Variants in TMEM232 observed in about 807,000 individuals in gnomAD.
The protein encoded by TMEM232 is transmembrane protein 232.
A neutral mutation model predicts 78.8 loss-of-function variants in TMEM232; 80 were observed. That is an observed-to-expected ratio of 1.01 (90% CI 0.85 to 1.22). TMEM232 has a LOEUF of 1.22. Among genes scored for constraint, TMEM232 ranks in the 50% most tolerant of loss-of-function variants. The pLI is 0.00. For synonymous variants in TMEM232, 297 were observed against 254.3 expected (o/e 1.17, Z -1.60); for missense variants, 881 against 742.2 (o/e 1.19, Z -2.17).
chr5:110,498,676 T>C (rs1765885498), intron 12 of TMEM232, among the ~76,000 whole-genome samples: 1 of 152,170 alleles, frequency 6.6e-6, no homozygotes, highest in Admixed American at 6.5e-5. Flanking sequence ...TCTTCCCATA[T>C]GCAGAATGGC....
chr5:110,479,265 T>C (rs1327303092), intron 12 of TMEM232, among the ~76,000 whole-genome samples: 1 of 151,838 alleles, frequency 6.6e-6, no homozygotes, highest in African/African-American at 2.4e-5. Flanking sequence ...TTTGTTTTAA[T>C]CATTTGACTT....
At chr5:110,521,611 T>C (rs1370607260) in intron 12 of TMEM232, among the ~76,000 whole-genome samples, 2 of 152,206 alleles carry the variant, frequency 1.3e-5, no homozygotes, top group Non-Finnish European at 2.9e-5. Flanking sequence ...AAGTCTTTAA[T>C]CCATTTGGAT....
chr5:110,712,018 C>T (rs368238190), intron 1 of TMEM232, among the ~76,000 whole-genome samples: 2 of 146,720 alleles, frequency 1.4e-5, no homozygotes, highest in African/African-American at 2.5e-5. Flanking sequence ...AGGAGAATGG[C>T]GTGAACCCGG....
chr5:110,549,464 A>G (rs371694613), intron 11 of TMEM232, among the ~76,000 whole-genome samples: 1 of 151,950 alleles, frequency 6.6e-6, no homozygotes, highest in East Asian at 1.9e-4. Flanking sequence ...AAAGTTAACA[A>G]ATAAGCTGGG....
intron 11 of TMEM232, among the ~76,000 whole-genome samples, chr5:110,542,099 A>G (rs1773204104): frequency 6.6e-6 from 1 of 152,110 alleles, no homozygotes; most frequent in African/African-American, 2.4e-5. Flanking sequence ...TGGAACCTGA[A>G]GCTCCCATCA....
chr5:110,427,296 G>A (rs1253836617), intron 12 of TMEM232, among the ~76,000 whole-genome samples: 1 of 151,764 alleles, frequency 6.6e-6, no homozygotes, highest in African/African-American at 2.4e-5. Context: ...GTTTTCACAA[G>A]GAATAAGAAG....
intron 5 of TMEM232, among the ~76,000 whole-genome samples, chr5:110,637,848 T>G (rs971711877): frequency 1.3e-5 from 2 of 152,084 alleles, no homozygotes; most frequent in Admixed American, 6.6e-5. Context: ...TATTTAAGGT[T>G]ATTTGTCAGC....
chr5:110,738,335 G>T, upstream of TMEM232: 2 of 1,040,572 alleles, frequency 1.9e-6, no homozygotes, highest in South Asian at 1.5e-5. Flanking sequence ...TCAATACCCT[G>T]AGTGATTTAG....
chr5:110,722,484 G>A (rs1375578032), intron 1 of TMEM232, among the ~76,000 whole-genome samples: 2 of 152,214 alleles, frequency 1.3e-5, no homozygotes, highest in Admixed American at 6.5e-5. Context: ...TCACTACACG[G>A]CTGTCAAGTA....
chr5:110,478,880 A>G (rs1435256879), intron 12 of TMEM232, among the ~76,000 whole-genome samples: 4 of 145,792 alleles, frequency 2.7e-5, no homozygotes, highest in African/African-American at 2.5e-5. Flanking sequence ...TTTGATTATG[A>G]GCAGATGGAG....
At chr5:110,562,898 T>G (rs1775911998) in intron 11 of TMEM232, among the ~76,000 whole-genome samples, 1 of 152,020 alleles carries the variant, frequency 6.6e-6, no homozygotes, top group Admixed American at 6.6e-5. Context: ...TTTATGTCCG[T>G]AAATCATATA....
chr5:110,528,863 G>A, intron 11 of TMEM232, 28 bp from the exon 12 acceptor site: 1 of 1,364,886 alleles, frequency 7.3e-7, no homozygotes, highest in South Asian at 2.0e-5. Context: ...AAAGGAATCA[G>A]TTGAAACAGG....
At chr5:110,440,191 A>G (rs1447118052) in intron 12 of TMEM232, among the ~76,000 whole-genome samples, 1 of 152,206 alleles carries the variant, frequency 6.6e-6, no homozygotes, top group East Asian at 1.9e-4. Flanking sequence ...GATGTATCAA[A>G]GTGTCCTTTA....
chr5:110,429,592 G>C (rs1757605665), intron 12 of TMEM232, among the ~76,000 whole-genome samples: 1 of 151,624 alleles, frequency 6.6e-6, no homozygotes. Context: ...CAGTTGAGCA[G>C]ATAAAATATT....
intron 1 of TMEM232, among the ~76,000 whole-genome samples, chr5:110,724,883 A>G (rs1798000868): frequency 1.3e-5 from 2 of 152,204 alleles, no homozygotes; most frequent in African/African-American, 4.8e-5. Context: ...TTGCCATGTT[A>G]TAGTAAGAAG....
Position 110,712,019 on chromosome 5 carries a change from G to T in TMEM232, c.-13+14608C>A, listed in dbSNP as rs546661645. On this transcript the variant is annotated intron_variant, in intron 1 of 13. Coordinates refer to ENST00000455884, the MANE Select transcript of TMEM232 (RefSeq NM_001039763.4). ...CGGGAGGCTGAGGGAGGAGAATGGCGTGAACCCGGGAGGCAGAGCTTGCAG... is the reference window on the plus strand; with the variant it reads ...CGGGAGGCTGAGGGAGGAGAATGGCTTGAACCCGGGAGGCAGAGCTTGCAG... Among the ~76,000 whole-genome samples, 3 of 150,288 alleles carry T rather than the reference G, an allele frequency of 2.0e-5. No homozygotes were observed. In the Admixed American group the frequency reaches 2.0e-4, roughly 10 times the overall value.
chr5:110,482,359 T>C (rs1295605633), intron 12 of TMEM232, among the ~76,000 whole-genome samples: 2 of 152,100 alleles, frequency 1.3e-5, no homozygotes, highest in Non-Finnish European at 2.9e-5. Context: ...GACAGGCAGA[T>C]AACCTGAGGT....
chr5:110,435,782 C>T (rs1312952769), intron 12 of TMEM232, among the ~76,000 whole-genome samples: 1 of 151,920 alleles, frequency 6.6e-6, no homozygotes, highest in African/African-American at 2.4e-5. Context: ...TTGCAAATGA[C>T]AGGATCTCAT....
intron 1 of TMEM232, among the ~76,000 whole-genome samples, chr5:110,696,059 A>G (rs1794743116): frequency 1.3e-5 from 2 of 152,224 alleles, no homozygotes; most frequent in Non-Finnish European, 1.5e-5. Context: ...CCTCAATAAA[A>G]TACTGGCAAA....
Sources: gnomAD v4.1 joint callset for allele counts (sites outside exome capture counted in the v4.1 genomes callset) on GRCh38, gnomAD v4.1.1 for gene constraint, MANE v1.5 for transcripts, NCBI Gene and HGNC (gene_info 2026-07-23, HGNC 2026-07-21) for gene names.